The following UBLCP1 variants were observed in gnomAD, a reference collection of about 807,000 sequenced individuals.
The protein encoded by UBLCP1 is ubiquitin-like domain-containing CTD phosphatase 1.
A neutral mutation model predicts 42.4 loss-of-function variants in UBLCP1; 28 were observed. The ratio of observed to expected loss-of-function variants is 0.66; its 90% CI spans 0.49 to 0.90. The LOEUF is 0.90. UBLCP1 is among the 40% of genes least tolerant of loss of function. The pLI is 0.00. For missense variants in UBLCP1, 279 were observed against 374.5 expected, an observed-to-expected ratio of 0.75 and a Z score of 2.10; for synonymous variants, 122 against 120.8, an observed-to-expected ratio of 1.01 and a Z score of -0.07.
intron 1 of UBLCP1, among the ~76,000 whole-genome samples, chr5:159,267,148 A>C (rs1753406962): frequency 6.6e-6 from 1 of 152,204 alleles, no homozygotes; most frequent in South Asian, 2.1e-4. Context: ...ACTCAATGCC[A>C]GCCCGTGAAA....
At chr5:159,274,367 A>C (rs1316133657) in intron 6 of UBLCP1, 3 of 387,868 alleles carry the variant, frequency 7.7e-6, no homozygotes, top group Non-Finnish European at 1.4e-5. Context: ...TGTATCTTAC[A>C]GATAAAAGTT....
chr5:159,278,550 T>C (rs1166288045), intron 9 of UBLCP1, among the ~76,000 whole-genome samples, 196 bp downstream of exon 9: 2 of 152,184 alleles, frequency 1.3e-5, no homozygotes, highest in African/African-American at 4.8e-5. Context: ...AGTTAGCTAG[T>C]TCATCCAAGT....
At chr5:159,282,740 A>C (rs1338597033) in intron 9 of UBLCP1, among the ~76,000 whole-genome samples, 1 of 152,174 alleles carries the variant, frequency 6.6e-6, no homozygotes, top group Non-Finnish European at 1.5e-5. Flanking sequence ...AACAGGTTAT[A>C]TAAATGTATA....
At chr5:159,281,425 T>G (rs184557137) in intron 9 of UBLCP1, among the ~76,000 whole-genome samples, 14 of 152,316 alleles carry the variant, frequency 9.2e-5, no homozygotes, top group African/African-American at 3.4e-4. Context: ...CCCCAGGGCC[T>G]AAGCAAGGCC....
At chr5:159,273,046 A>C (rs1412580341) in intron 6 of UBLCP1, among the ~76,000 whole-genome samples, 3 of 152,174 alleles carry the variant, frequency 2.0e-5, no homozygotes, top group African/African-American at 4.8e-5. Flanking sequence ...CTTTGAGAGA[A>C]ATTATGTTAG....
intron 6 of UBLCP1, among the ~76,000 whole-genome samples, chr5:159,273,404 A>T (rs1753495573): frequency 6.6e-6 from 1 of 152,186 alleles, no homozygotes; most frequent in Admixed American, 6.5e-5. Context: ...AGCTAAATAG[A>T]CTAGGATTTT....
At chr5:159,269,583 C>G (rs989959971) in intron 2 of UBLCP1, among the ~76,000 whole-genome samples, 2 of 152,136 alleles carry the variant, frequency 1.3e-5, no homozygotes, top group South Asian at 4.1e-4. Flanking sequence ...CTTAGGCACT[C>G]AATTTTTAAG....
chr5:159,267,232 T>TG (rs1356897145), intron 1 of UBLCP1, among the ~76,000 whole-genome samples: 2 of 152,186 alleles, frequency 1.3e-5, no homozygotes, highest in South Asian at 2.1e-4. Flanking sequence ...ACCCACCTCT[T>TG]GCATCAGTGT....
Position 159,275,114 on chromosome 5 carries a change from T to C in UBLCP1, c.586-34T>C, listed in dbSNP as rs371942866. ...GAAAATCTGAAATTTTCCACACTACTATGTTTTAACCTCACAAATATTTGT... is the reference window on the plus strand; with the variant it reads ...GAAAATCTGAAATTTTCCACACTACCATGTTTTAACCTCACAAATATTTGT... On this transcript the variant is annotated intron_variant, in intron 7 of 10. Transcript: ENST00000296786. 5.7e-6 allele frequency: 9 copies of C among 1,582,740 alleles called. No individual in the cohort carries two copies. The African/African-American group carries it at 9.4e-5, about 17-fold the overall frequency.
At chr5:159,275,722 G>T (rs1010644210) in intron 8 of UBLCP1, among the ~76,000 whole-genome samples, 1 of 152,162 alleles carries the variant, frequency 6.6e-6, no homozygotes, top group Admixed American at 6.6e-5. Context: ...AAGGTTAAAA[G>T]ATTTGAATTT....
chr5:159,272,191 A>G, intron 6 of UBLCP1, 70 bp downstream of exon 6: 1 of 1,266,802 alleles, frequency 7.9e-7, no homozygotes, highest in Middle Eastern at 2.0e-4. Context: ...GCTGTATAAA[A>G]TGTGACTTAA....
intron 1 of UBLCP1, among the ~76,000 whole-genome samples, chr5:159,265,514 T>G (rs1584736352): frequency 6.6e-6 from 1 of 152,316 alleles, no homozygotes; most frequent in South Asian, 2.1e-4. Flanking sequence ...GGTTTTGTAT[T>G]TTCTGATTGA....
At chr5:159,275,571 C>T (rs747813713) in intron 8 of UBLCP1, among the ~76,000 whole-genome samples, 16 of 151,936 alleles carry the variant, frequency 1.1e-4, no homozygotes, top group South Asian at 4.2e-4. Flanking sequence ...CCACCACGCC[C>T]GGCTAATTTT....
intron 6 of UBLCP1, 33 bp from the exon 7 acceptor site, chr5:159,274,552 A>T (rs772016169): frequency 1.3e-6 from 2 of 1,579,226 alleles, no homozygotes; most frequent in South Asian, 1.2e-5. Context: ...CAAGCTTTTC[A>T]TATGTATTGT....
chr5:159,267,588 G>A (rs4321737), intron 1 of UBLCP1, among the ~76,000 whole-genome samples: 12,051 of 152,180 alleles, frequency 0.079, 598 homozygotes, highest in Middle Eastern at 0.16. Flanking sequence ...ATTTGGAGGG[G>A]CCAGGGGCAG....
At chr5:159,266,559 G>A (rs765329032) in intron 1 of UBLCP1, among the ~76,000 whole-genome samples, 9 of 152,206 alleles carry the variant, frequency 5.9e-5, no homozygotes, top group Non-Finnish European at 1.2e-4. Flanking sequence ...AGAAATCTGC[G>A]TAAGTATCAA....
chr5:159,265,801 C>T (rs1753382918), intron 1 of UBLCP1, among the ~76,000 whole-genome samples: 1 of 152,124 alleles, frequency 6.6e-6, no homozygotes, highest in Non-Finnish European at 1.5e-5. Flanking sequence ...CATTGTGGAA[C>T]TGTAAGTAGC....
At chr5:159,270,961 G>GGT (rs1562098916) in intron 5 of UBLCP1, among the ~76,000 whole-genome samples, 3 of 148,282 alleles carry the variant, frequency 2.0e-5, no homozygotes, top group Admixed American at 6.8e-5. Context: ...TATTATGAAT[G>GGT]ATATATATAT....
chr5:159,272,231 T>A, intron 6 of UBLCP1, 110 bp downstream of exon 6: 1 of 886,414 alleles, frequency 1.1e-6, no homozygotes, highest in African/African-American at 1.7e-5. Flanking sequence ...TGAAATAGTT[T>A]TCATTTTTTA....
Sources: gnomAD v4.1 joint callset for allele counts (sites outside exome capture counted in the v4.1 genomes callset) on GRCh38, gnomAD v4.1.1 for gene constraint, MANE v1.5 for transcripts, NCBI Gene and HGNC (gene_info 2026-07-23, HGNC 2026-07-21) for gene names.